The following FPR2 variants were observed in gnomAD, a reference collection of about 807,000 sequenced individuals.
The protein encoded by FPR2 is formyl peptide receptor 2, also known as N-formyl peptide receptor 2.
Under a neutral mutation model 4.0 loss-of-function variants are expected in FPR2, and 3 were observed. The observed-to-expected ratio is 0.74, with a 90% CI of 0.34 to 1.92. The LOEUF (loss-of-function observed/expected upper bound fraction) is 1.92. Ranked by LOEUF, FPR2 falls within the 30% of genes most tolerant of loss-of-function variation. The pLI is 0.07. For missense variants in FPR2, 372 were observed against 435.7 expected (o/e 0.85, Z 1.30); for synonymous variants, 179 against 171.5 (o/e 1.04, Z -0.34).
rs776542750 is a variant in FPR2 at position 51,768,895 on chromosome 19, A to G, written c.237A>G (p.Pro79=). 3.1e-6 allele frequency: 5 copies of G among 1,614,062 alleles called. No homozygotes were observed. Among genetic ancestry groups the G allele is most frequent in the East Asian group, 2.2e-5 (1 of 44,872 alleles). ...LADFSFTATL[P]FLIVSMAMGE... is the part of the protein sequence containing the mutation. ...ACTTTTCTTTCACGGCCACATTACC[A>G]TTCCTCATTGTCTCCATGGCCATGG... Residue 79 remains proline (P), a synonymous_variant, in exon 2 of 2, where the codon CCA becomes CCG. Transcript: ENST00000340023.
chr19:51,768,810 C>A lies in FPR2; in HGVS notation c.152C>A (p.Ala51Asp). ...VLGNGLVIWV[A>D]GFRMTRTVTT... ...GGCAATGGGCTTGTGATCTGGGTGG[C>A]TGGATTCCGGATGACACGCACAGTC... The change falls in exon 2 of 2, where the codon GCT becomes GAT. Residue 51 changes from alanine to aspartate, a missense_variant. By Grantham distance (126) the Ala-to-Asp change is moderately radical. Coordinates refer to ENST00000340023, the MANE Select transcript of FPR2 (RefSeq NM_001005738.2). 1 of 1,614,140 alleles carries A rather than the reference C, an allele frequency of 6.2e-7. No individual in the cohort carries two copies. Among genetic ancestry groups the A allele is most frequent in the South Asian group, 1.1e-5 (1 of 91,076 alleles).
chr19:51,767,052 A>C (rs1268818461), intron 1 of FPR2, among the ~76,000 whole-genome samples: 2 of 152,054 alleles, frequency 1.3e-5, no homozygotes, highest in Non-Finnish European at 2.9e-5. Flanking sequence ...AATACCCACT[A>C]CTTATTTTTC....
chr19:51,767,563 A>G (rs1428543229), intron 1 of FPR2, among the ~76,000 whole-genome samples: 1 of 152,152 alleles, frequency 6.6e-6, no homozygotes, highest in Non-Finnish European at 1.5e-5. Flanking sequence ...TGGAGAAAAG[A>G]CACCTTCTCT....
chr19:51,765,569 G>A (rs1020764907), intron 1 of FPR2, among the ~76,000 whole-genome samples: 11 of 152,152 alleles, frequency 7.2e-5, no homozygotes, highest in African/African-American at 2.2e-4. Flanking sequence ...GGCGTTGATA[G>A]GGTTAAAGGA....
chr19:51,763,853 T>G (rs10410115), intron 1 of FPR2, among the ~76,000 whole-genome samples: 124,487 of 152,182 alleles, frequency 0.82, 50,971 homozygotes, highest in East Asian at 0.95. Context: ...CGCCTTCCGG[T>G]GTTCAAGAGG....
Position 51,769,209 on chromosome 19 carries a change from G to T in FPR2, c.551G>T (p.Gly184Val). ...TYCTFNFASW[G>V]GTPEERLKVA... Reference sequence around the variant, plus strand: ...TGTACTTTCAACTTTGCATCCTGGGGTGGCACCCCTGAGGAGAGGCTGAAG... The same window carrying T: ...TGTACTTTCAACTTTGCATCCTGGGTTGGCACCCCTGAGGAGAGGCTGAAG... The change falls in exon 2 of 2, where the codon GGT becomes GTT. Residue 184 changes from glycine to valine, a missense_variant. Coordinates refer to ENST00000340023, the MANE Select transcript of FPR2 (RefSeq NM_001005738.2). The surrounding 1 kb of genome is among the most constrained non-coding windows in gnomAD (Gnocchi z 4.4). The T allele has an allele frequency of 1.9e-6, 3 of 1,614,150 alleles. No homozygotes were observed. The highest frequency in any genetic ancestry group is 2.5e-6 in the Non-Finnish European group (3 of 1,180,022).
At position 51,769,093 on chromosome 19, in the gene FPR2, G is replaced by A. The variant is rs747494377; in HGVS notation, c.435G>A (p.Val145=). The part of the protein sequence containing the change: ...NHRTVSLAMK[V]IVGPWILALV... ...GCACTGTGAGTCTGGCCATGAAGGT[G>A]ATCGTCGGACCTTGGATTCTTGCTC... The change falls in exon 2 of 2, where the codon GTG becomes GTA. Residue 145 remains valine, a synonymous_variant. Coordinates refer to ENST00000340023, the MANE Select transcript of FPR2 (RefSeq NM_001005738.2). This position sits in a 1 kb window ranked among gnomAD's most constrained non-coding sequence, Gnocchi z 4.4. The A allele has an allele frequency of 6.2e-7, 1 of 1,614,230 alleles. No individual in the cohort carries two copies. Among genetic ancestry groups the A allele is most frequent in the Non-Finnish European group, 8.5e-7 (1 of 1,180,050 alleles).
rs1397697671 is a variant in FPR2 at position 51,769,656 on chromosome 19, A to G, written c.998A>G (p.Asn333Ser). The change falls in exon 2 of 2, where the codon AAT becomes AGT. Residue 333 changes from asparagine (N) to serine (S), a missense_variant. Physicochemically the swap from Asn to Ser is conservative, Grantham distance 46. Transcript: ENST00000340023. This position sits in a 1 kb window ranked among gnomAD's most constrained non-coding sequence, Gnocchi z 4.4. ...RALSEDSAPT[N>S]DTAANSASPP... ...CTGTCTGAGGACTCAGCCCCAACTAATGACACGGCTGCCAATTCTGCTTCA... is the reference window on the plus strand; with the variant it reads ...CTGTCTGAGGACTCAGCCCCAACTAGTGACACGGCTGCCAATTCTGCTTCA... The G allele has an allele frequency of 6.2e-7, 1 of 1,614,134 alleles. No individual in the cohort carries two copies. Among genetic ancestry groups the G allele is most frequent in the Non-Finnish European group, 8.5e-7 (1 of 1,180,020 alleles).
intron 1 of FPR2, chr19:51,762,394 C>CTTTT: frequency 8.6e-6 from 1 of 115,714 alleles, no homozygotes; most frequent in Non-Finnish European, 1.8e-5. Flanking sequence ...CCTTATTGGA[C>CTTTT]TTTTTTTTTT....
At chr19:51,761,727 A>T (rs1323134077) in intron 1 of FPR2, among the ~76,000 whole-genome samples, 1 of 152,176 alleles carries the variant, frequency 6.6e-6, no homozygotes, top group East Asian at 1.9e-4. Context: ...TAGGAGGCCG[A>T]GGTTGCAGTG....
At chr19:51,762,521 C>T (rs60920833) in intron 1 of FPR2, 6,424 of 151,500 alleles carry the variant, frequency 0.042, 296 homozygotes, top group South Asian at 0.19. Context: ...GCCTCCCGAG[C>T]ATCTGGAATT....
chr19:51,761,537 A>C (rs2083838281), intron 1 of FPR2, among the ~76,000 whole-genome samples: 1 of 152,096 alleles, frequency 6.6e-6, no homozygotes, highest in Admixed American at 6.6e-5. Flanking sequence ...AATTTCTCCC[A>C]ATGATTTTAC....
At chr19:51,765,666 T>A (rs1343785115) in intron 1 of FPR2, among the ~76,000 whole-genome samples, 2 of 152,166 alleles carry the variant, frequency 1.3e-5, no homozygotes, top group Non-Finnish European at 2.9e-5. Flanking sequence ...AACTTCATAA[T>A]GGATTGAGCC....
chr19:51,766,045 G>A (rs897049768), intron 1 of FPR2, among the ~76,000 whole-genome samples: 16 of 152,242 alleles, frequency 1.1e-4, no homozygotes, highest in African/African-American at 2.2e-4. Flanking sequence ...TCAGCCTCCC[G>A]AGTAGCTGGG....
chr19:51,763,706 TTTTTG>T (rs921417609), intron 1 of FPR2, among the ~76,000 whole-genome samples: 1 of 152,164 alleles, frequency 6.6e-6, no homozygotes, highest in Admixed American at 6.6e-5. Context: ...TTTTGGTTGT[TTTTTG>T]TTTTGTTTTT....
In FPR2 at chr19:51,769,588, A is replaced by G; in HGVS notation, c.930A>G (p.Arg310=). Residue 310 remains arginine (R), a synonymous_variant, in exon 2 of 2, where the codon CGA becomes CGG. Coordinates refer to ENST00000340023, the MANE Select transcript of FPR2 (RefSeq NM_001005738.2). The surrounding 1 kb of genome is among the most constrained non-coding windows in gnomAD (Gnocchi z 4.4). ...ACGTCTTTGTGGGCCAAGACTTCCG[A>G]GAGAGACTGATCCACTCCCTGCCCA... ...MLYVFVGQDF[R]ERLIHSLPTS... 6.2e-7 allele frequency: 1 copy of G among 1,614,154 alleles called. No homozygotes were observed. The highest frequency in any genetic ancestry group is 8.5e-7 in the Non-Finnish European group (1 of 1,180,024).
At chr19:51,766,447 G>A (rs1443905329) in intron 1 of FPR2, among the ~76,000 whole-genome samples, 2 of 152,172 alleles carry the variant, frequency 1.3e-5, no homozygotes, top group Non-Finnish European at 2.9e-5. Flanking sequence ...TGCCAAGGTT[G>A]AGAAACCCTG....
chr19:51,769,332 C>A lies in FPR2; in HGVS notation c.674C>A (p.Ala225Glu), dbSNP rs2083887573. ...SIVAICYGLI[A>E]AKIHKKGMIK... is the part of the protein sequence containing the mutation. The stretch of plus-strand genomic sequence containing the variant: ...GTTGCCATCTGCTATGGGCTCATTG[C>A]AGCCAAGATCCACAAAAAGGGCATG... The change falls in exon 2 of 2, where the codon GCA becomes GAA. Residue 225 changes from alanine (A) to glutamate (E), a missense_variant. Transcript: ENST00000340023. This position sits in a 1 kb window ranked among gnomAD's most constrained non-coding sequence, Gnocchi z 4.4. 1 of 1,614,074 alleles carries A rather than the reference C, an allele frequency of 6.2e-7. No individual in the cohort carries two copies. Among genetic ancestry groups the A allele is most frequent in the African/African-American group, 1.3e-5 (1 of 74,922 alleles).
rs1452767722 is a variant in FPR2, at chr19:51,769,281, T to G, written c.623T>G (p.Ile208Ser). 6.2e-7 allele frequency: 1 copy of G among 1,614,228 alleles called. No individual in the cohort carries two copies. Among genetic ancestry groups the G allele is most frequent in the Non-Finnish European group, 8.5e-7 (1 of 1,180,042 alleles). ...GCCAGAGGGATTATCCGGTTTGTCA[T>G]TGGCTTTAGCTTGCCGATGTCCATT... is the stretch of plus-strand genomic sequence containing the variant. ...LTARGIIRFV[I>S]GFSLPMSIVA... Residue 208 changes from isoleucine to serine, a missense_variant, in exon 2 of 2, where the codon ATT becomes AGT. Transcript: ENST00000340023. The surrounding 1 kb of genome is among the most constrained non-coding windows in gnomAD (Gnocchi z 4.4).
Sources: allele counts gnomAD v4.1 joint callset (sites outside exome capture counted in the v4.1 genomes callset), GRCh38; gene constraint gnomAD v4.1.1; non-coding constraint Gnocchi (gnomAD v3.1); transcripts MANE v1.5; gene names NCBI Gene and HGNC (gene_info 2026-07-23, HGNC 2026-07-21).